FAM135B: variants seen among roughly 807,000 people sequenced by gnomAD.
FAM135B encodes the protein protein FAM135B.
A neutral mutation model predicts 127.7 loss-of-function variants in FAM135B; 43 were observed. That is an observed-to-expected ratio of 0.34 (90% CI 0.26 to 0.43). The LOEUF is 0.43. Among genes scored for constraint, FAM135B ranks in the 20% least tolerant of loss-of-function variants. FAM135B has a pLI of 1.00. For missense variants in FAM135B, 1,558 were observed against 1,725.6 expected, an observed-to-expected ratio of 0.90 and a Z score of 1.72; for synonymous variants, 670 against 665.1, an observed-to-expected ratio of 1.01 and a Z score of -0.11.
At chr8:138,396,057 C>T (rs1267840009) in intron 1 of FAM135B, among the ~76,000 whole-genome samples, 1 of 152,190 alleles carries the variant, frequency 6.6e-6, no homozygotes, top group Non-Finnish European at 1.5e-5. Context: ...TGTTTATGTG[C>T]CTCAATTTAC....
chr8:138,269,319 T>C (rs1823186572), intron 3 of FAM135B, among the ~76,000 whole-genome samples: 1 of 152,236 alleles, frequency 6.6e-6, no homozygotes, highest in South Asian at 2.1e-4. Context: ...ACAGGGACTC[T>C]ATGCCCAATG....
intron 1 of FAM135B, among the ~76,000 whole-genome samples, chr8:138,454,745 A>C (rs1401395982): frequency 2.0e-5 from 3 of 152,192 alleles, no homozygotes; most frequent in Non-Finnish European, 2.9e-5. Context: ...GCTCCACTAA[A>C]CTTATAATCG....
chr8:138,211,642 T>C (rs1034211296), intron 7 of FAM135B, among the ~76,000 whole-genome samples: 2 of 152,256 alleles, frequency 1.3e-5, no homozygotes, highest in Non-Finnish European at 2.9e-5. Flanking sequence ...TTCTATTTAA[T>C]GCTGCTCTGC....
intron 1 of FAM135B, among the ~76,000 whole-genome samples, chr8:138,385,680 T>G (rs968478292): frequency 3.9e-5 from 6 of 151,910 alleles, no homozygotes; most frequent in Non-Finnish European, 7.4e-5. Flanking sequence ...GGCATGGTGG[T>G]GGGTGCCTGT....
intron 7 of FAM135B, among the ~76,000 whole-genome samples, chr8:138,228,985 A>AT (rs1261774946): frequency 6.6e-6 from 1 of 152,124 alleles, no homozygotes; most frequent in Non-Finnish European, 1.5e-5. Flanking sequence ...CCGCTTTTGC[A>AT]TTGACTGCTT....
intron 1 of FAM135B, among the ~76,000 whole-genome samples, chr8:138,379,169 T>C (rs1442912375): frequency 6.6e-6 from 1 of 152,182 alleles, no homozygotes; most frequent in Non-Finnish European, 1.5e-5. Context: ...AGGAGCATAC[T>C]GTCTCCAAGT....
At position 138,299,062 on chromosome 8, in the gene FAM135B, A is replaced by AATAAATAAATAC. The variant is rs200196936; in HGVS notation, c.157+11778_157+11779insGTATTTATTTAT. ...GCGATAGAGTGAGATTCAGTCTCAA[A>AATAAATAAATAC]ATAAATAAATAAATAAATAAATAAA... On this transcript the variant is annotated intron_variant, in intron 3 of 19. Transcript: ENST00000395297. Among the ~76,000 whole-genome samples the AATAAATAAATAC allele has an allele frequency of 7.2e-3, 316 of 43,910 alleles. 3 individuals are homozygous for AATAAATAAATAC. The East Asian group carries it at 0.076, about 11-fold the overall frequency. The allele number at this position is 43,910 out of a possible 152,430, so 28.8% of individuals were successfully genotyped here. A position where few individuals can be genotyped will look rare whatever the true frequency, so the allele number is the denominator to read the frequency against.
chr8:138,389,111 T>C (rs921079062), intron 1 of FAM135B, among the ~76,000 whole-genome samples: 3 of 152,186 alleles, frequency 2.0e-5, no homozygotes, highest in African/African-American at 7.2e-5. Flanking sequence ...GAGATATCAC[T>C]TCATAGCCAC....
chr8:138,143,129 C>T lies in FAM135B; in HGVS notation c.3541-20G>A. On this transcript the variant is annotated intron_variant, in intron 15 of 19. Coordinates refer to ENST00000395297, the MANE Select transcript of FAM135B (RefSeq NM_015912.4). ...GTCCATCTGGAAGAAGAGAGAGGAA[C>T]AGGTGTTGGGTATGGTTGTGGCGGG... is the stretch of plus-strand genomic sequence containing the variant. The T allele has an allele frequency of 7.0e-7, 1 of 1,425,646 alleles. No homozygotes were observed. Among genetic ancestry groups the T allele is most frequent in the African/African-American group, 1.4e-5 (1 of 71,322 alleles). The allele number at this position is 1,425,646 out of a possible 1,614,324, so 88.3% of individuals were successfully genotyped here.
Position 138,279,246 on chromosome 8 carries a change from T to C in FAM135B, c.158-13404A>G, listed in dbSNP as rs145408764. Among the ~76,000 whole-genome samples, 13 of 152,340 alleles carry C rather than the reference T, an allele frequency of 8.5e-5. No homozygotes were observed. In the East Asian group the frequency reaches 2.3e-3, roughly 27 times the overall value. ...CCACAGCATTTTGCACCAGCTCTTGTAGAATACTTGTTCCTCCGAGCAGCA... is the reference window on the plus strand; with the variant it reads ...CCACAGCATTTTGCACCAGCTCTTGCAGAATACTTGTTCCTCCGAGCAGCA... On this transcript the variant is annotated intron_variant, in intron 3 of 19. Transcript: ENST00000395297.
At chr8:138,214,331 C>A (rs1164015483) in intron 7 of FAM135B, among the ~76,000 whole-genome samples, 1 of 152,214 alleles carries the variant, frequency 6.6e-6, no homozygotes, top group East Asian at 1.9e-4. Flanking sequence ...AATACACACA[C>A]ATAGTATGCT....
intron 7 of FAM135B, among the ~76,000 whole-genome samples, chr8:138,240,796 A>C (rs898953095): frequency 6.6e-6 from 1 of 152,232 alleles, no homozygotes; most frequent in Non-Finnish European, 1.5e-5. Flanking sequence ...CTCAGGACAG[A>C]AACCTTCTCA....
chr8:138,227,582 T>A (rs1468108195), intron 7 of FAM135B, among the ~76,000 whole-genome samples: 2 of 152,208 alleles, frequency 1.3e-5, no homozygotes, highest in Non-Finnish European at 1.5e-5. Context: ...TGCACAAGCT[T>A]AATGTATACA....
chr8:138,400,649 C>A (rs1833106181), intron 1 of FAM135B, among the ~76,000 whole-genome samples: 2 of 152,246 alleles, frequency 1.3e-5, no homozygotes, highest in African/African-American at 2.4e-5. Flanking sequence ...TCCCTTAGCA[C>A]ATTGTTGCTC....
At chr8:138,335,167 T>C (rs959186731) in intron 2 of FAM135B, among the ~76,000 whole-genome samples, 2 of 152,146 alleles carry the variant, frequency 1.3e-5, no homozygotes, top group Non-Finnish European at 2.9e-5. Flanking sequence ...GCTCTAGACA[T>C]GACCTACAGG....
At chr8:138,432,174 G>C (rs1334981657) in intron 1 of FAM135B, among the ~76,000 whole-genome samples, 2 of 152,142 alleles carry the variant, frequency 1.3e-5, no homozygotes, top group African/African-American at 4.8e-5. Flanking sequence ...GACCCCAACA[G>C]TGTCTGATAT....
At chr8:138,323,559 CAGA>C (rs1827597672) in intron 2 of FAM135B, among the ~76,000 whole-genome samples, 2 of 152,326 alleles carry the variant, frequency 1.3e-5, no homozygotes, top group South Asian at 2.1e-4. Context: ...GATGGAAGAG[CAGA>C]AGGAGAAGTC....
chr8:138,136,803 A>T (rs1240454114), intron 19 of FAM135B, among the ~76,000 whole-genome samples: 1 of 151,894 alleles, frequency 6.6e-6, no homozygotes, highest in Non-Finnish European at 1.5e-5. Context: ...ATCACATTTT[A>T]CTCTCATTGC....
intron 3 of FAM135B, among the ~76,000 whole-genome samples, chr8:138,297,175 G>A (rs746953595): frequency 9.2e-5 from 14 of 152,142 alleles, no homozygotes; most frequent in Non-Finnish European, 1.3e-4. Flanking sequence ...GTTGAAATAT[G>A]GAAAGAAAGG....
Sources: allele counts gnomAD v4.1 joint callset (sites outside exome capture counted in the v4.1 genomes callset), GRCh38; gene constraint gnomAD v4.1.1; transcripts MANE v1.5; gene names NCBI Gene and HGNC (gene_info 2026-07-23, HGNC 2026-07-21).